Variants in VASH1 observed in about 807,000 individuals in gnomAD.
VASH1 encodes the protein vasohibin 1.
VASH1 carries 16 observed loss-of-function variants against 35.0 expected under a neutral mutation model. The ratio of observed to expected loss-of-function variants is 0.46; its 90% CI spans 0.31 to 0.70. The LOEUF is 0.70. Ranked by LOEUF, VASH1 falls within the 30% of genes least tolerant of loss-of-function variation. The probability of loss-of-function intolerance (pLI) is 0.05; values close to 1 mark genes in which losing one functional copy is unlikely to be tolerated. For missense variants in VASH1, 505 were observed against 510.7 expected, an observed-to-expected ratio of 0.99 and a Z score of 0.11; for synonymous variants, 214 against 200.9, an observed-to-expected ratio of 1.07 and a Z score of -0.55.
intron 5 of VASH1, 55 bp from the exon 6 acceptor site, chr14:76,777,904 G>A: frequency 7.5e-7 from 1 of 1,332,358 alleles, no homozygotes; most frequent in Non-Finnish European, 9.8e-7. Flanking sequence ...GGAAGGAGAG[G>A]TTGGGCTCCA....
intron 1 of VASH1, among the ~76,000 whole-genome samples, chr14:76,766,048 G>A (rs959384065): frequency 2.0e-5 from 3 of 152,178 alleles, no homozygotes; most frequent in East Asian, 3.8e-4. Context: ...TAATAGCAAT[G>A]CCCATCAAGA....
Position 76,779,126 on chromosome 14 carries a change from GA to G in VASH1, c.*109del. ...CGGGGCTGGTGACAAGGCAGGGCAAGAGGCTGCAGGAAGAGTGTGTTCCAGC... is the reference window on the plus strand; with the variant it reads ...CGGGGCTGGTGACAAGGCAGGGCAAGGGCTGCAGGAAGAGTGTGTTCCAGC... On this transcript the variant is annotated 3_prime_UTR_variant, in exon 7 of 7. Coordinates refer to ENST00000167106, the MANE Select transcript of VASH1 (RefSeq NM_014909.5). 8.2e-7 allele frequency: 1 copy of G among 1,219,472 alleles called. No homozygotes were observed. Among genetic ancestry groups the G allele is most frequent in the Non-Finnish European group, 1.2e-6 (1 of 835,772 alleles). The allele number at this position is 1,219,472 out of a possible 1,614,324, so 75.5% of individuals were successfully genotyped here. A position where few individuals can be genotyped will look rare whatever the true frequency, so the allele number is the denominator to read the frequency against.
chr14:76,770,101 G>A (rs754415481), intron 2 of VASH1, 50 bp downstream of exon 2: 12 of 1,561,904 alleles, frequency 7.7e-6, no homozygotes, highest in Non-Finnish European at 1.1e-5. Context: ...GGTGTGGTGG[G>A]CCTTGTTTCC....
chr14:76,778,297 T>C (rs189744677), intron 6 of VASH1, among the ~76,000 whole-genome samples: 229 of 152,206 alleles, frequency 1.5e-3, no homozygotes, highest in Admixed American at 6.5e-3. Context: ...AGCCCACTAG[T>C]CTGAGCATGG....
At chr14:76,778,153 ATCTC>A (rs1893999110) in intron 6 of VASH1, 82 bp downstream of exon 6, 1 of 928,772 alleles carries the variant, frequency 1.1e-6, no homozygotes, top group Non-Finnish European at 1.5e-6. Context: ...TTTTTTTTTT[ATCTC>A]TCTCCCACCC....
intron 1 of VASH1, among the ~76,000 whole-genome samples, chr14:76,768,249 G>A (rs1220696200): frequency 6.6e-6 from 1 of 152,230 alleles, no homozygotes; most frequent in Non-Finnish European, 1.5e-5. Context: ...GGTACAGAGT[G>A]GCCAGACAGG....
chr14:76,763,349 T>A (rs1479895457), intron 1 of VASH1, among the ~76,000 whole-genome samples: 1 of 152,186 alleles, frequency 6.6e-6, no homozygotes, highest in Non-Finnish European at 1.5e-5. Context: ...CTCCCCGCTG[T>A]CTTTTAAAAT....
At chr14:76,778,176 T>C in intron 6 of VASH1, 105 bp downstream of exon 6, 1 of 846,592 alleles carries the variant, frequency 1.2e-6, no homozygotes, top group Non-Finnish European at 1.7e-6. Context: ...CCTTCTCTCT[T>C]TTTCGCTCCC....
intron 1 of VASH1, among the ~76,000 whole-genome samples, chr14:76,767,337 T>C (rs1377141903): frequency 6.6e-6 from 1 of 152,210 alleles, no homozygotes; most frequent in Non-Finnish European, 1.5e-5. Flanking sequence ...ATGATCTAGT[T>C]GGAGACTCAG....
intron 1 of VASH1, among the ~76,000 whole-genome samples, chr14:76,764,888 C>G (rs747189673): frequency 1.3e-5 from 2 of 151,950 alleles, no homozygotes; most frequent in Non-Finnish European, 2.9e-5. Flanking sequence ...GTTTCATTTT[C>G]AACATTTTGG....
chr14:76,779,594 C>G lies in VASH1; in HGVS notation c.*576C>G, dbSNP rs1246452151. The G allele has an allele frequency of 9.4e-6, 6 of 635,474 alleles. No homozygotes were observed. The highest frequency in any genetic ancestry group is 1.7e-5 in the Non-Finnish European group (6 of 353,740). 39.4% of individuals were successfully genotyped at this position (635,474 alleles called of 1,614,324 possible). On this transcript the variant is annotated 3_prime_UTR_variant, in exon 7 of 7. Transcript: ENST00000167106. Reference sequence around the variant, plus strand: ...ACCAGGAGCTTGGCACAGGCCACATCTGCCCCAAGAGCATGAGCTCGTGGC... The same window carrying G: ...ACCAGGAGCTTGGCACAGGCCACATGTGCCCCAAGAGCATGAGCTCGTGGC...
rs1894047732 is a variant in VASH1, at chr14:76,779,616, T to A, written c.*598T>A. The A allele has an allele frequency of 1.6e-6, 1 of 619,400 alleles. No individual in the cohort carries two copies. Among genetic ancestry groups the A allele is most frequent in the Non-Finnish European group, 2.9e-6 (1 of 346,674 alleles). 38.4% of individuals were successfully genotyped at this position (619,400 alleles called of 1,614,324 possible). On this transcript the variant is annotated 3_prime_UTR_variant, in exon 7 of 7. Coordinates refer to ENST00000167106, the MANE Select transcript of VASH1 (RefSeq NM_014909.5). ...CATCTGCCCCAAGAGCATGAGCTCGTGGCTCAGGAGAGCCTTCAGGCCCTT... is the reference window on the plus strand; with the variant it reads ...CATCTGCCCCAAGAGCATGAGCTCGAGGCTCAGGAGAGCCTTCAGGCCCTT...
chr14:76,771,935 T>C (rs1188107164), intron 3 of VASH1, among the ~76,000 whole-genome samples: 1 of 152,228 alleles, frequency 6.6e-6, no homozygotes, highest in Non-Finnish European at 1.5e-5. Flanking sequence ...TTAAGACCCC[T>C]GGGCTTTAAA....
rs772177984 is a variant in VASH1, at chr14:76,762,839, G to A, written c.18G>A (p.Lys6=). 6 of 1,496,248 alleles carry A rather than the reference G, an allele frequency of 4.0e-6. No individual in the cohort carries two copies. Among genetic ancestry groups the A allele is most frequent in the Middle Eastern group, 2.0e-4 (1 of 4,892 alleles). The allele number at this position is 1,496,248 out of a possible 1,614,324, so 92.7% of individuals were successfully genotyped here. A position where few individuals can be genotyped will look rare whatever the true frequency, so the allele number is the denominator to read the frequency against. The part of the protein sequence containing the change: MPGGK[K]VAGGGSSGAT... The stretch of plus-strand genomic sequence containing the variant: ...ATTTAGGGATGCCAGGGGGGAAGAA[G>A]GTGGCTGGGGGTGGCAGCAGCGGTG... Residue 6 remains lysine, a synonymous_variant, in exon 1 of 7, where the codon AAG becomes AAA. Coordinates refer to ENST00000167106, the MANE Select transcript of VASH1 (RefSeq NM_014909.5).
rs367757752 is a variant in VASH1, at chr14:76,762,802, C to A, written c.-20C>A. On this transcript the variant is annotated 5_prime_UTR_variant, in exon 1 of 7. Transcript: ENST00000167106. ...GCCAGTTGTTTTCCCGCCTCCACCA[C>A]CCCCCTCGAAGATTTAGGGATGCCA... 366 of 1,449,118 alleles carry A rather than the reference C, an allele frequency of 2.5e-4. No homozygotes were observed. The highest frequency in any genetic ancestry group is 1.2e-3 in the Middle Eastern group (5 of 4,050). The allele number at this position is 1,449,118 out of a possible 1,614,324, so 89.8% of individuals were successfully genotyped here.
At chr14:76,768,380 G>A (rs537471688) in intron 1 of VASH1, among the ~76,000 whole-genome samples, 17 of 152,310 alleles carry the variant, frequency 1.1e-4, no homozygotes, top group African/African-American at 3.1e-4. Context: ...AGACGTCAGC[G>A]GCTCAGGAGC....
rs145469045 is a variant in VASH1, at chr14:76,778,070, C to T, written c.1024C>T (p.Arg342Trp). The change falls in exon 6 of 7, where the codon CGG (arginine) becomes TGG (tryptophan). Residue 342 changes from arginine (R) to tryptophan (W), a missense_variant and splice_region_variant. Physicochemically the swap from Arg to Trp is moderately radical, Grantham distance 101. Coordinates refer to ENST00000167106, the MANE Select transcript of VASH1 (RefSeq NM_014909.5). ...CCGCAGGAACAGCCGCAGTGAAAGACGGTGAGAGAGGGACCACGCCTGGGT... is the reference window on the plus strand; with the variant it reads ...CCGCAGGAACAGCCGCAGTGAAAGATGGTGAGAGAGGGACCACGCCTGGGT... ...PHRRNSRSER[R>W]PSGDKKTSEP... The T allele has an allele frequency of 1.3e-6, 2 of 1,485,040 alleles. No homozygotes were observed. Among genetic ancestry groups the T allele is most frequent in the Non-Finnish European group, 1.8e-6 (2 of 1,118,410 alleles). The allele number at this position is 1,485,040 out of a possible 1,614,324, so 92.0% of individuals were successfully genotyped here. A position where few individuals can be genotyped will look rare whatever the true frequency, so the allele number is the denominator to read the frequency against.
At chr14:76,765,804 C>T (rs1457038873) in intron 1 of VASH1, among the ~76,000 whole-genome samples, 1 of 152,208 alleles carries the variant, frequency 6.6e-6, no homozygotes, top group Non-Finnish European at 1.5e-5. Context: ...TCCTACTCCC[C>T]CATCTTGCCA....
Position 76,778,940 on chromosome 14 carries a change from C to G in VASH1, c.1026-6C>G, listed in dbSNP as rs1595280894. On this transcript the variant is annotated splice_region_variant and splice_polypyrimidine_tract_variant and intron_variant, in intron 6 of 6. Coordinates refer to ENST00000167106, the MANE Select transcript of VASH1 (RefSeq NM_014909.5). ...CTCCTCCCGCTCTGCTCTCTTCCTC[C>G]CACAGGCCCTCGGGTGACAAGAAGA... The G allele has an allele frequency of 6.2e-7, 1 of 1,614,180 alleles. No homozygotes were observed. The highest frequency in any genetic ancestry group is 1.3e-5 in the African/African-American group (1 of 75,070).
Sources: gnomAD v4.1 joint callset for allele counts (sites outside exome capture counted in the v4.1 genomes callset) on GRCh38, gnomAD v4.1.1 for gene constraint, MANE v1.5 for transcripts, NCBI Gene and HGNC (gene_info 2026-07-23, HGNC 2026-07-21) for gene names.